ZNF841: variants seen among roughly 807,000 people sequenced by gnomAD.
ZNF841 encodes the protein zinc finger protein 841.
A neutral mutation model predicts 13.0 loss-of-function variants in ZNF841; 11 were observed. The ratio of observed to expected loss-of-function variants is 0.85; its 90% CI spans 0.53 to 1.40. The LOEUF (loss-of-function observed/expected upper bound fraction) is 1.40, where lower values mean the gene tolerates loss of function less well. ZNF841 is among the 40% of genes most tolerant of loss of function. The probability of loss-of-function intolerance (pLI) is 0.00; values close to 1 mark genes in which losing one functional copy is unlikely to be tolerated. For missense variants in ZNF841, 1,068 were observed against 1,139.5 expected (o/e 0.94, Z 0.90); for synonymous variants, 369 against 381.6 (o/e 0.97, Z 0.38).
At chr19:52,084,582 T>G (rs1220857301) in intron 4 of ZNF841, among the ~76,000 whole-genome samples, 3 of 152,082 alleles carry the variant, frequency 2.0e-5, no homozygotes, top group Non-Finnish European at 4.4e-5. Flanking sequence ...CCATGCCCAG[T>G]GGAGCCTCTT....
At chr19:52,071,191 A>G (rs1409329488) in intron 6 of ZNF841, among the ~76,000 whole-genome samples, 3 of 152,206 alleles carry the variant, frequency 2.0e-5, no homozygotes, top group Admixed American at 1.3e-4. Flanking sequence ...TATGGGAAGA[A>G]AACAGATTTA....
At chr19:52,090,686 A>AGAAG (rs1568549727) in intron 2 of ZNF841, among the ~76,000 whole-genome samples, 2 of 145,226 alleles carry the variant, frequency 1.4e-5, no homozygotes, top group Non-Finnish European at 3.0e-5. Context: ...AAAGAAAGAA[A>AGAAG]GAAAGAAAGA....
At position 52,064,993 on chromosome 19, in the gene ZNF841, C is replaced by G. The variant is rs78481607; in HGVS notation, c.*114G>C. 0.015 allele frequency: 14,208 copies of G among 930,232 alleles called. 166 individuals are homozygous for G. The highest frequency in any genetic ancestry group is 0.019 in the Non-Finnish European group (12,441 of 645,380). The allele number at this position is 930,232 out of a possible 1,614,324, so 57.6% of individuals were successfully genotyped here. On this transcript the variant is annotated 3_prime_UTR_variant, in exon 7 of 7. Coordinates refer to ENST00000594440, the MANE Select transcript of ZNF841 (RefSeq NM_001136499.2). ...AAAACTTTCTTGAGAAAGCCACCCC[C>G]ATCATCCAATCACCTCCCACTAGGC... is the stretch of plus-strand genomic sequence containing the variant.
At chr19:52,090,659 GAAAGAAAGAAAGAAAGAAA>G (rs1568549637) in intron 2 of ZNF841, among the ~76,000 whole-genome samples, 304 of 108,872 alleles carry the variant, frequency 2.8e-3, no homozygotes, top group South Asian at 0.012. Context: ...AGGAAGGAAA[GAAAGAAAGAAAGAAAGAAA>G]GAAAGAAAGA....
At chr19:52,072,508 A>C (rs973211794) in intron 6 of ZNF841, among the ~76,000 whole-genome samples, 3 of 152,204 alleles carry the variant, frequency 2.0e-5, no homozygotes, top group Admixed American at 6.5e-5. Context: ...CTAGAGATCA[A>C]CAGCAGAAGA....
At chr19:52,078,745 C>A (rs2087995117) in intron 4 of ZNF841, among the ~76,000 whole-genome samples, 1 of 149,950 alleles carries the variant, frequency 6.7e-6, no homozygotes, top group African/African-American at 2.4e-5. Context: ...ATTTTAAGGC[C>A]ATAGAAACAT....
At chr19:52,086,470 A>G (rs1252370264) in intron 3 of ZNF841, among the ~76,000 whole-genome samples, 1 of 152,184 alleles carries the variant, frequency 6.6e-6, no homozygotes, top group African/African-American at 2.4e-5. Context: ...CCTCCCCAGA[A>G]GCAGATGTCG....
chr19:52,085,336 A>T (rs552212611), intron 3 of ZNF841, among the ~76,000 whole-genome samples: 1 of 152,322 alleles, frequency 6.6e-6, no homozygotes, highest in South Asian at 2.1e-4. Context: ...TCTATGGTAA[A>T]AGGGCACAAA....
chr19:52,073,305 T>TC (rs1402034315), intron 6 of ZNF841, among the ~76,000 whole-genome samples: 1 of 147,532 alleles, frequency 6.8e-6, no homozygotes, highest in African/African-American at 2.5e-5. Flanking sequence ...TTTTTTTTCT[T>TC]TTTTTTTTTT....
chr19:52,076,445 T>C (rs920199881), intron 5 of ZNF841: 1 of 348,094 alleles, frequency 2.9e-6, no homozygotes, highest in Non-Finnish European at 5.5e-6. Flanking sequence ...GGAAGATGAC[T>C]TGAGCACAGG....
chr19:52,069,513 T>C (rs2087683104), intron 6 of ZNF841, among the ~76,000 whole-genome samples: 1 of 152,174 alleles, frequency 6.6e-6, no homozygotes, highest in East Asian at 1.9e-4. Flanking sequence ...ACAGATACAA[T>C]GTAGACTGCT....
At position 52,065,696 on chromosome 19, in the gene ZNF841, C is replaced by T. The variant is rs2087530158; in HGVS notation, c.2186G>A (p.Arg729Lys). 4.4e-6 allele frequency: 7 copies of T among 1,602,798 alleles called. No homozygotes were observed. Among genetic ancestry groups the T allele is most frequent in the Non-Finnish European group, 6.0e-6 (7 of 1,174,042 alleles). ...SHKTSLVYHQRRHTGEMPYKC... is the reference protein window; with the variant it reads ...SHKTSLVYHQKRHTGEMPYKC... Reference sequence around the variant, plus strand: ...GTATGGCATCTCTCCAGTATGTCTTCTCTGATGGTACACCAGACTTGTTTT... The same window carrying T: ...GTATGGCATCTCTCCAGTATGTCTTTTCTGATGGTACACCAGACTTGTTTT... The change falls in exon 7 of 7, where the codon AGA becomes AAA. Residue 729 changes from arginine to lysine, a missense_variant. Transcript: ENST00000594440.
intron 6 of ZNF841, among the ~76,000 whole-genome samples, chr19:52,071,869 G>A (rs1187317629): frequency 6.6e-6 from 1 of 152,162 alleles, no homozygotes; most frequent in Non-Finnish European, 1.5e-5. Flanking sequence ...TACATTAAAT[G>A]TAAGTGTTTA....
At chr19:52,076,737 C>T (rs986842507) in intron 5 of ZNF841, among the ~76,000 whole-genome samples, 2 of 151,576 alleles carry the variant, frequency 1.3e-5, no homozygotes, top group Non-Finnish European at 2.9e-5. Flanking sequence ...TTTACACGTA[C>T]CTCAGCTCTG....
chr19:52,060,794 T>C (rs1295760429), downstream of ZNF841, among the ~76,000 whole-genome samples: 1 of 152,198 alleles, frequency 6.6e-6, no homozygotes, highest in Non-Finnish European at 1.5e-5. Flanking sequence ...AGGTGACTTA[T>C]GCTGCTTTTA....
chr19:52,064,366 A>AC (rs1386142584), downstream of ZNF841: 1 of 129,960 alleles, frequency 7.7e-6, no homozygotes, highest in African/African-American at 3.7e-5. Flanking sequence ...AAAAAAAAAA[A>AC]AAAAAAAAAA....
intron 6 of ZNF841, among the ~76,000 whole-genome samples, chr19:52,070,430 T>C (rs538088324): frequency 6.6e-6 from 1 of 152,152 alleles, no homozygotes; most frequent in African/African-American, 2.4e-5. Flanking sequence ...AGAGAGATAG[T>C]GAGAAGGATG....
chr19:52,060,438 G>A (rs528423207), downstream of ZNF841, among the ~76,000 whole-genome samples: 4 of 152,240 alleles, frequency 2.6e-5, no homozygotes, highest in East Asian at 1.9e-4. Context: ...GAAGGTTTCC[G>A]TGTGGAAGTG....
In ZNF841 at chr19:52,076,997, C is replaced by T; in HGVS notation, c.103G>A (p.Asp35Asn). 6.2e-7 allele frequency: 1 copy of T among 1,613,430 alleles called. No homozygotes were observed. Among genetic ancestry groups the T allele is most frequent in the Non-Finnish European group, 8.5e-7 (1 of 1,179,574 alleles). ...TTCCTGTAGTTCTCCAACATCACGT[C>T]CCTGTACAAAGCTTTCTGAACAGGG... ...LDPVQKALYR[D>N]VMLENYRNLG... The change falls in exon 5 of 7, where the codon GAC becomes AAC. Residue 35 changes from aspartate to asparagine, a missense_variant. Transcript: ENST00000594440.
Sources: allele counts gnomAD v4.1 joint callset (sites outside exome capture counted in the v4.1 genomes callset), GRCh38; gene constraint gnomAD v4.1.1; transcripts MANE v1.5; gene names NCBI Gene and HGNC (gene_info 2026-07-23, HGNC 2026-07-21).